The following PRKCA variants were observed in gnomAD, a reference collection of about 807,000 sequenced individuals.
PRKCA encodes protein kinase C alpha type.
PRKCA carries 27 observed loss-of-function variants against 87.0 expected under a neutral mutation model. The observed-to-expected ratio is 0.31, with a 90% CI of 0.23 to 0.43. The LOEUF (loss-of-function observed/expected upper bound fraction) is 0.43. Ranked by LOEUF, PRKCA falls within the 20% of genes least tolerant of loss-of-function variation. PRKCA has a pLI of 1.00. For missense variants in PRKCA, 518 were observed against 852.3 expected (o/e 0.61, Z 4.88); for synonymous variants, 329 against 311.1 (o/e 1.06, Z -0.61).
At chr17:66,463,720 T>C (rs9901501) in intron 2 of PRKCA, among the ~76,000 whole-genome samples, 15,134 of 152,114 alleles carry the variant, frequency 0.099, 1,066 homozygotes, top group African/African-American at 0.19. Flanking sequence ...TTTTTTTAAT[T>C]TATTTTTTAG....
intron 3 of PRKCA, among the ~76,000 whole-genome samples, chr17:66,556,063 C>T (rs1364110007): frequency 2.0e-5 from 3 of 151,920 alleles, no homozygotes; most frequent in Admixed American, 6.6e-5. Context: ...TCTGGATGGG[C>T]GAGCCAGCCA....
intron 2 of PRKCA, among the ~76,000 whole-genome samples, chr17:66,318,893 G>A (rs563527171): frequency 6.9e-4 from 104 of 151,816 alleles, no homozygotes; most frequent in South Asian, 2.5e-3. Context: ...GGCCTAAGTA[G>A]GCAGATTGCT....
At chr17:66,606,615 T>C (rs966431937) in intron 3 of PRKCA, among the ~76,000 whole-genome samples, 2 of 152,210 alleles carry the variant, frequency 1.3e-5, no homozygotes, top group African/African-American at 4.8e-5. Context: ...TAAAGTACTG[T>C]AATATTTCTC....
At chr17:66,527,760 A>C (rs1014340949) in intron 3 of PRKCA, among the ~76,000 whole-genome samples, 6 of 152,384 alleles carry the variant, frequency 3.9e-5, no homozygotes, top group African/African-American at 1.4e-4. Context: ...TTTAAAAGAA[A>C]AGACTGTCCA....
chr17:66,374,443 T>C (rs1466795904), intron 2 of PRKCA, among the ~76,000 whole-genome samples: 1 of 152,108 alleles, frequency 6.6e-6, no homozygotes, highest in Non-Finnish European at 1.5e-5. Context: ...CGCCCCAGAC[T>C]CCTCTGCTGC....
chr17:66,785,264 G>A (rs1185624465), intron 14 of PRKCA, among the ~76,000 whole-genome samples: 1 of 152,080 alleles, frequency 6.6e-6, no homozygotes, highest in East Asian at 1.9e-4. Flanking sequence ...GTTGAGGGGA[G>A]GGACCTACTT....
chr17:66,562,848 C>T (rs533163286), intron 3 of PRKCA, among the ~76,000 whole-genome samples: 2 of 152,278 alleles, frequency 1.3e-5, no homozygotes, highest in Non-Finnish European at 1.5e-5. Context: ...CTGCCCACCT[C>T]GGCCTCCCGA....
chr17:66,502,709 C>G (rs1916792402), intron 3 of PRKCA, among the ~76,000 whole-genome samples: 1 of 152,094 alleles, frequency 6.6e-6, no homozygotes, highest in Admixed American at 6.6e-5. Context: ...GGTTGGAGTG[C>G]AGTGGTGCGA....
chr17:66,337,301 C>T (rs1478881811), intron 2 of PRKCA, among the ~76,000 whole-genome samples: 1 of 152,160 alleles, frequency 6.6e-6, no homozygotes, highest in Non-Finnish European at 1.5e-5. Flanking sequence ...GTGACCTTCT[C>T]ACCTTATCTC....
At chr17:66,479,266 A>C (rs1310757379) in intron 2 of PRKCA, among the ~76,000 whole-genome samples, 2 of 152,342 alleles carry the variant, frequency 1.3e-5, no homozygotes, top group African/African-American at 4.8e-5. Context: ...AAAAACACTC[A>C]ACATCACTGA....
At chr17:66,674,267 A>G (rs1341250722) in intron 5 of PRKCA, among the ~76,000 whole-genome samples, 2 of 152,158 alleles carry the variant, frequency 1.3e-5, no homozygotes, top group East Asian at 1.9e-4. Context: ...GGTCTTGTGC[A>G]AGGCTAAGGG....
At chr17:66,703,385 T>C (rs1413261049) in intron 8 of PRKCA, 2 of 152,204 alleles carry the variant, frequency 1.3e-5, no homozygotes, top group Non-Finnish European at 2.9e-5. Flanking sequence ...TGGAAGGTCT[T>C]CAGGGGCAGT....
At chr17:66,576,395 G>C (rs1969238633) in intron 3 of PRKCA, among the ~76,000 whole-genome samples, 1 of 152,234 alleles carries the variant, frequency 6.6e-6, no homozygotes. Flanking sequence ...TTTAAAGCAT[G>C]AGATGGGCTT....
At chr17:66,772,615 G>T (rs1974961050) in intron 13 of PRKCA, among the ~76,000 whole-genome samples, 1 of 152,158 alleles carries the variant, frequency 6.6e-6, no homozygotes, top group Non-Finnish European at 1.5e-5. Flanking sequence ...TGATCCATGG[G>T]TCTGGGAATT....
chr17:66,751,348 A>G (rs920049772), intron 13 of PRKCA, among the ~76,000 whole-genome samples: 6 of 152,240 alleles, frequency 3.9e-5, no homozygotes, highest in African/African-American at 1.4e-4. Flanking sequence ...CACAGATGGC[A>G]CATGGCAGGG....
chr17:66,569,928 A>T (rs1336790570), intron 3 of PRKCA, among the ~76,000 whole-genome samples: 2 of 152,138 alleles, frequency 1.3e-5, no homozygotes, highest in Non-Finnish European at 2.9e-5. Flanking sequence ...ATGCATGTGT[A>T]CCCCAAAAGT....
intron 2 of PRKCA, among the ~76,000 whole-genome samples, chr17:66,417,511 A>C (rs1273365539): frequency 6.6e-6 from 1 of 151,804 alleles, no homozygotes; most frequent in Admixed American, 6.6e-5. Context: ...GCTTGTAGAG[A>C]CTTGCATTCT....
rs1041561308 is a variant in PRKCA, at chr17:66,804,319, C to T, written c.*282C>T. ...AGGTTAACCCTTCCTAGAAAGCAAG[C>T]AGACTGTTGCCCCATTTTGGGTACA... On this transcript the variant is annotated 3_prime_UTR_variant, in exon 17 of 17. Coordinates refer to ENST00000413366, the MANE Select transcript of PRKCA (RefSeq NM_002737.3). 1.1e-4 allele frequency: 34 copies of T among 308,336 alleles called. No homozygotes were observed. The highest frequency in any genetic ancestry group is 2.0e-4 in the Non-Finnish European group (34 of 168,312). The allele number at this position is 308,336 out of a possible 1,614,324, so 19.1% of individuals were successfully genotyped here.
At chr17:66,789,092 G>T in intron 16 of PRKCA, 113 bp downstream of exon 16, 1 of 1,321,716 alleles carries the variant, frequency 7.6e-7, no homozygotes, top group South Asian at 1.3e-5. Context: ...CTTGTACAGG[G>T]TGAGGAAACG....
Sources: allele counts gnomAD v4.1 joint callset (sites outside exome capture counted in the v4.1 genomes callset), GRCh38; gene constraint gnomAD v4.1.1; transcripts MANE v1.5; gene names NCBI Gene and HGNC (gene_info 2026-07-23, HGNC 2026-07-21).